The following PAIP2B variants were observed in gnomAD, a reference collection of about 807,000 sequenced individuals.
PAIP2B encodes poly(A) binding protein interacting protein 2B.
A neutral mutation model predicts 17.0 loss-of-function variants in PAIP2B; 13 were observed. The observed-to-expected ratio is 0.76, with a 90% CI of 0.50 to 1.22. The LOEUF is 1.22. Ranked by LOEUF, PAIP2B falls within the 50% of genes most tolerant of loss-of-function variation. The probability of loss-of-function intolerance (pLI) is 0.00; values close to 1 mark genes in which losing one functional copy is unlikely to be tolerated. For missense variants in PAIP2B, 117 were observed against 144.5 expected (o/e 0.81, Z 0.98); for synonymous variants, 43 against 48.7 (o/e 0.88, Z 0.48).
intron 1 of PAIP2B, among the ~76,000 whole-genome samples, chr2:71,219,121 G>A (rs1373770209): frequency 9.8e-5 from 14 of 143,588 alleles, no homozygotes; most frequent in Admixed American, 4.2e-4. Context: ...TAGTAGAGAC[G>A]GGGTTTCACG....
rs993390499 is a variant in PAIP2B, at chr2:71,226,528, CG to C, written c.-12+399del. ...TCCCGCTCCAGCCCGGGGAGAGGGG[CG>C]GGGGATGCCGCGCGGGTCAATTTGC... On this transcript the variant is annotated intron_variant, in intron 1 of 3. Coordinates refer to ENST00000244221, the MANE Select transcript of PAIP2B (RefSeq NM_020459.1). 4.6e-5 allele frequency among the ~76,000 whole-genome samples: 7 copies of C among 152,076 alleles called. No homozygotes were observed. The East Asian group carries it at 9.6e-4, about 21-fold the overall frequency.
chr2:71,224,181 G>C (rs1054487454), intron 1 of PAIP2B, among the ~76,000 whole-genome samples: 1 of 152,214 alleles, frequency 6.6e-6, no homozygotes, highest in African/African-American at 2.4e-5. Context: ...CCATCTGGAC[G>C]AGTCTGAATC....
At position 71,191,616 on chromosome 2, in the gene PAIP2B, G is replaced by T. The variant is rs572974368; in HGVS notation, c.139-1595C>A. On this transcript the variant is annotated intron_variant, in intron 2 of 3. Coordinates refer to ENST00000244221, the MANE Select transcript of PAIP2B (RefSeq NM_020459.1). The stretch of plus-strand genomic sequence containing the variant: ...TAAAATCACATTTGTCACCTTACAT[G>T]CTGTATATGGCCAAGTGACTATTCA... Among the ~76,000 whole-genome samples, 3 of 152,308 alleles carry T rather than the reference G, an allele frequency of 2.0e-5. No homozygotes were observed. In the South Asian group the frequency reaches 6.2e-4, roughly 32 times the overall value.
intron 1 of PAIP2B, among the ~76,000 whole-genome samples, chr2:71,207,874 T>C (rs954305512): frequency 6.6e-6 from 1 of 151,710 alleles, no homozygotes; most frequent in Non-Finnish European, 1.5e-5. Flanking sequence ...GGCGTGGGGG[T>C]AAAAAAGGTG....
At chr2:71,220,643 C>G (rs911609559) in intron 1 of PAIP2B, among the ~76,000 whole-genome samples, 1 of 152,174 alleles carries the variant, frequency 6.6e-6, no homozygotes, top group African/African-American at 2.4e-5. Flanking sequence ...AATATCACTT[C>G]GTTTTTAAAA....
intron 2 of PAIP2B, among the ~76,000 whole-genome samples, chr2:71,197,519 AG>A (rs1674852268): frequency 6.6e-6 from 1 of 152,208 alleles, no homozygotes; most frequent in South Asian, 2.1e-4. Context: ...GGAATCTTGC[AG>A]GAGTTCTCTG....
At chr2:71,199,123 T>C (rs1674908225) in intron 2 of PAIP2B, among the ~76,000 whole-genome samples, 1 of 152,244 alleles carries the variant, frequency 6.6e-6, no homozygotes. Context: ...AATTTCCTGA[T>C]ATTTTCTATC....
At chr2:71,190,334 G>A (rs1490365682) in intron 2 of PAIP2B, among the ~76,000 whole-genome samples, 1 of 152,068 alleles carries the variant, frequency 6.6e-6, no homozygotes, top group African/African-American at 2.4e-5. Flanking sequence ...TGAGGCTGGA[G>A]GACAACTTGA....
chr2:71,199,711 C>T (rs561475143), intron 2 of PAIP2B, among the ~76,000 whole-genome samples: 1 of 152,178 alleles, frequency 6.6e-6, no homozygotes, highest in African/African-American at 2.4e-5. Context: ...GGACTAAAGG[C>T]GCCCACCACC....
At chr2:71,209,448 C>A (rs548514514) in intron 1 of PAIP2B, among the ~76,000 whole-genome samples, 2 of 152,208 alleles carry the variant, frequency 1.3e-5, no homozygotes, top group East Asian at 3.9e-4. Context: ...CTAATACATT[C>A]CCACCATTCA....
rs1674434116 is a variant in PAIP2B, at chr2:71,182,828, T to C, written c.*5651A>G. On this transcript the variant is annotated 3_prime_UTR_variant, in exon 4 of 4. Transcript: ENST00000244221. ...AAGTAACTTTTTTCCATTTTTGATA[T>C]TTTTATGAAAATTATTTTCTTCAGT... The C allele has an allele frequency of 6.6e-6, 1 of 152,194 alleles. No individual in the cohort carries two copies. Among genetic ancestry groups the C allele is most frequent in the African/African-American group, 2.4e-5 (1 of 41,442 alleles). 9.4% of individuals were successfully genotyped at this position (152,194 alleles called of 1,614,324 possible).
At chr2:71,193,690 AAAT>A (rs1674743825) in intron 2 of PAIP2B, among the ~76,000 whole-genome samples, 1 of 152,174 alleles carries the variant, frequency 6.6e-6, no homozygotes, top group Non-Finnish European at 1.5e-5. Flanking sequence ...CTTCTCTGCT[AAAT>A]AATACAAAAA....
At position 71,188,380 on chromosome 2, in the gene PAIP2B, A is replaced by AC; in HGVS notation, c.*98dup. On this transcript the variant is annotated 3_prime_UTR_variant, in exon 4 of 4. Coordinates refer to ENST00000244221, the MANE Select transcript of PAIP2B (RefSeq NM_020459.1). Reference sequence around the variant, plus strand: ...ACCACCACTCCCCTTCCCGCTGTGCACCCCTCGCCCGCCCCATCCCCCTCT... The same window carrying AC: ...ACCACCACTCCCCTTCCCGCTGTGCACCCCCTCGCCCGCCCCATCCCCCTCT... The AC allele has an allele frequency of 8.5e-6, 8 of 946,224 alleles. No homozygotes were observed. The highest frequency in any genetic ancestry group is 8.2e-6 in the Non-Finnish European group (5 of 607,102). 58.6% of individuals were successfully genotyped at this position (946,224 alleles called of 1,614,324 possible).
chr2:71,193,822 G>A (rs975964110), intron 2 of PAIP2B, among the ~76,000 whole-genome samples: 2 of 151,588 alleles, frequency 1.3e-5, no homozygotes, highest in African/African-American at 4.9e-5. Flanking sequence ...GGGCTACAGA[G>A]CAAGACTCTG....
intron 1 of PAIP2B, among the ~76,000 whole-genome samples, chr2:71,204,982 T>A (rs1018987547): frequency 2.0e-5 from 3 of 151,404 alleles, no homozygotes; most frequent in African/African-American, 4.9e-5. Flanking sequence ...TTAAAAAAAA[T>A]CTTCCTGTGC....
chr2:71,200,599 A>G (rs1305656299), intron 2 of PAIP2B, among the ~76,000 whole-genome samples: 2 of 152,114 alleles, frequency 1.3e-5, no homozygotes, highest in Non-Finnish European at 2.9e-5. Flanking sequence ...TAAAAATGCA[A>G]AAATTTGCCA....
intron 1 of PAIP2B, among the ~76,000 whole-genome samples, chr2:71,222,190 C>T (rs1258745219): frequency 1.3e-5 from 2 of 152,184 alleles, no homozygotes; most frequent in Admixed American, 1.3e-4. Context: ...CAGGCAGGAA[C>T]CAACTCCAGA....
chr2:71,210,406 C>T (rs994718505), intron 1 of PAIP2B, among the ~76,000 whole-genome samples: 2 of 152,190 alleles, frequency 1.3e-5, no homozygotes, highest in Non-Finnish European at 2.9e-5. Context: ...AGAGCAGCTG[C>T]ATGGACATTA....
At chr2:71,223,346 G>C (rs890873384) in intron 1 of PAIP2B, among the ~76,000 whole-genome samples, 2 of 152,084 alleles carry the variant, frequency 1.3e-5, no homozygotes, top group Non-Finnish European at 2.9e-5. Flanking sequence ...AGGATGCAGA[G>C]GTTGCAGTGA....
Sources: allele counts gnomAD v4.1 joint callset (sites outside exome capture counted in the v4.1 genomes callset), GRCh38; gene constraint gnomAD v4.1.1; transcripts MANE v1.5; gene names NCBI Gene and HGNC (gene_info 2026-07-23, HGNC 2026-07-21).